Variants in ITPRIPL1 observed in about 807,000 individuals in gnomAD.
The protein encoded by ITPRIPL1 is ITPRIP like 1.
A neutral mutation model predicts 40.0 loss-of-function variants in ITPRIPL1; 28 were observed. The ratio of observed to expected loss-of-function variants is 0.70; its 90% confidence interval spans 0.52 to 0.96. The LOEUF (loss-of-function observed/expected upper bound fraction) is 0.96, where lower values mean the gene tolerates loss of function less well. Among genes scored for constraint, ITPRIPL1 ranks in the 40% least tolerant of loss-of-function variants. The pLI, the probability that ITPRIPL1 is intolerant of heterozygous loss-of-function variation, is 0.00. For missense variants in ITPRIPL1, 638 were observed against 698.0 expected, an observed-to-expected ratio of 0.91 and a Z score of 0.97; for synonymous variants, 251 against 275.7, an observed-to-expected ratio of 0.91 and a Z score of 0.89.
At chr2:96,330,033 C>CT (rs2064149508), downstream of ITPRIPL1, 1 of 152,150 alleles carries the variant, frequency 6.6e-6, no homozygotes, top group Admixed American at 6.6e-5. Context: ...GGGAAGATCA[C>CT]TTGAGCCCAG....
chr2:96,327,268 T>C lies in ITPRIPL1; in HGVS notation c.637T>C (p.Leu213=), dbSNP rs200828813. ...CAGCCGCCAAGAGGCTCACCCACAATTGGAAGACTGCCTGGGCATCGGGGC... is the reference window on the plus strand; with the variant it reads ...CAGCCGCCAAGAGGCTCACCCACAACTGGAAGACTGCCTGGGCATCGGGGC... The part of the protein sequence containing the change: ...VLSRQEAHPQ[L]EDCLGIGAAF... Residue 213 remains leucine, a synonymous_variant, in exon 3 of 3, where the codon TTG becomes CTG. Transcript: ENST00000439118. 22 of 1,614,118 alleles carry C rather than the reference T, an allele frequency of 1.4e-5. 1 individual carries two copies. The Admixed American group carries it at 1.8e-4, about 13-fold the overall frequency.
chr2:96,329,177 ATATATATATATATATATC>A (rs2064143811), downstream of ITPRIPL1: 1 of 138,558 alleles, frequency 7.2e-6, no homozygotes, highest in East Asian at 2.2e-4. Flanking sequence ...ATATATATAT[ATATATATATATATATATC>A]TCCAAGATGT....
chr2:96,327,710 G>T lies in ITPRIPL1; in HGVS notation c.1079G>T (p.Arg360Leu). The T allele has an allele frequency of 6.2e-7, 1 of 1,612,930 alleles. No individual in the cohort carries two copies. The highest frequency in any genetic ancestry group is 1.3e-5 in the African/African-American group (1 of 74,902). ...CTCCGGCTGGACTATCGCTCAGGCC[G>T]CTTTCTCTCAATCCACTTGGTCCTG... ...CKLRLDYRSGRFLSIHLVLGV... is the reference protein window; with the variant it reads ...CKLRLDYRSGLFLSIHLVLGV... Residue 360 changes from arginine to leucine, a missense_variant, in exon 3 of 3, where the codon CGC becomes CTC. Transcript: ENST00000439118.
In ITPRIPL1 at chr2:96,327,930, G is replaced by A. The variant is rs1440327833; in HGVS notation, c.1299G>A (p.Gln433=). 5 of 1,613,708 alleles carry A rather than the reference G, an allele frequency of 3.1e-6. No homozygotes were observed. Among genetic ancestry groups the A allele is most frequent in the African/African-American group, 1.3e-5 (1 of 74,780 alleles). ...LQIILSLRQH[Q]SLPHGASRPI... is the part of the protein sequence containing the mutation. ...TCATTTTAAGTCTCCGGCAGCATCAGAGCTTACCCCATGGAGCATCCCGCC... is the reference window on the plus strand; with the variant it reads ...TCATTTTAAGTCTCCGGCAGCATCAAAGCTTACCCCATGGAGCATCCCGCC... Residue 433 remains glutamine, a synonymous_variant, in exon 3 of 3, where the codon CAG becomes CAA. Coordinates refer to ENST00000439118, the MANE Select transcript of ITPRIPL1 (RefSeq NM_001008949.3).
rs141732129 is a variant in ITPRIPL1 at position 96,327,064 on chromosome 2, G to C, written c.433G>C (p.Glu145Gln). ...CTTTGATTCCAGCAGTGAGGAGGAG[G>C]AGGAGGAAGTCCGTGTTGTCCCTGT... is the stretch of plus-strand genomic sequence containing the variant. ...PAFDSSSEEE[E>Q]EEVRVVPVTS... Residue 145 changes from glutamate to glutamine, a missense_variant, in exon 3 of 3, where the codon GAG becomes CAG. Physicochemically the swap from Glu to Gln is conservative, Grantham distance 29. Coordinates refer to ENST00000439118, the MANE Select transcript of ITPRIPL1 (RefSeq NM_001008949.3). 2.9e-5 allele frequency: 47 copies of C among 1,614,086 alleles called. No individual in the cohort carries two copies. In the East Asian group the frequency reaches 4.7e-4, roughly 16 times the overall value.
rs1257473021 is a variant in ITPRIPL1 at position 96,325,806 on chromosome 2, A to C, written c.-34A>C. On this transcript the variant is annotated 5_prime_UTR_variant, in exon 2 of 3. Coordinates refer to ENST00000439118, the MANE Select transcript of ITPRIPL1 (RefSeq NM_001008949.3). Reference sequence around the variant, plus strand: ...CAAGTTCCAAAGGGAGGATAGGCCCAGCTGGCTTCAGCGTCCACACGGCAT... The same window carrying C: ...CAAGTTCCAAAGGGAGGATAGGCCCCGCTGGCTTCAGCGTCCACACGGCAT... The C allele has an allele frequency of 7.4e-6, 12 of 1,613,434 alleles. No homozygotes were observed. Among genetic ancestry groups the C allele is most frequent in the African/African-American group, 2.7e-5 (2 of 74,934 alleles).
At position 96,328,012 on chromosome 2, in the gene ITPRIPL1, C is replaced by T; in HGVS notation, c.1381C>T (p.Pro461Ser). ...TCTCATGCACCTCTTGCTACGGCTGCCCCTCACGGACTGGGCCCACAACAT... is the reference window on the plus strand; with the variant it reads ...TCTCATGCACCTCTTGCTACGGCTGTCCCTCACGGACTGGGCCCACAACAT... ...TALMHLLLRL[P>S]LTDWAHNMLS... The change falls in exon 3 of 3, where the codon CCC (proline) becomes TCC (serine). Residue 461 changes from proline to serine, a missense_variant. By Grantham distance (74) the Pro-to-Ser change is moderately conservative (BLOSUM62 -1). Coordinates refer to ENST00000439118, the MANE Select transcript of ITPRIPL1 (RefSeq NM_001008949.3). 6.2e-7 allele frequency: 1 copy of T among 1,614,196 alleles called. No individual in the cohort carries two copies. The highest frequency in any genetic ancestry group is 1.3e-5 in the African/African-American group (1 of 75,038).
At chr2:96,325,595 A>T (rs1024933226) in intron 1 of ITPRIPL1, 30 bp downstream of exon 1, 1 of 589,958 alleles carries the variant, frequency 1.7e-6, no homozygotes, top group Non-Finnish European at 3.0e-6. Flanking sequence ...GTCCCGGGAG[A>T]CATCCCGAGG....
chr2:96,328,376 A>C, downstream of ITPRIPL1: 1 of 1,437,340 alleles, frequency 7.0e-7, no homozygotes, highest in Non-Finnish European at 9.5e-7. Context: ...CTTTTCAGAT[A>C]TATCAGTGGT....
chr2:96,326,757 G>A lies in ITPRIPL1; in HGVS notation c.126G>A (p.Arg42=), dbSNP rs2064111027. The change falls in exon 3 of 3, where the codon CGG becomes CGA. Residue 42 remains arginine, a synonymous_variant. Coordinates refer to ENST00000439118, the MANE Select transcript of ITPRIPL1 (RefSeq NM_001008949.3). ...RMDLDTLARS[R]QLEKRMSEEM... is the part of the protein sequence containing the mutation. Reference sequence around the variant, plus strand: ...ACCTGGACACATTAGCCAGGAGTCGGCAGCTGGAGAAGCGAATGAGTGAGG... The same window carrying A: ...ACCTGGACACATTAGCCAGGAGTCGACAGCTGGAGAAGCGAATGAGTGAGG... 3 of 1,614,246 alleles carry A rather than the reference G, an allele frequency of 1.9e-6. No homozygotes were observed. The highest frequency in any genetic ancestry group is 2.7e-5 in the African/African-American group (2 of 75,064).
At chr2:96,325,958 C>T (rs2064102501) in intron 2 of ITPRIPL1, 109 bp downstream of exon 2, 3 of 1,295,498 alleles carry the variant, frequency 2.3e-6, no homozygotes, top group Non-Finnish European at 3.4e-6. Context: ...AGGCCTTGGG[C>T]ACCTGGTTCT....
chr2:96,330,307 T>C (rs1004999119), downstream of ITPRIPL1: 13 of 142,148 alleles, frequency 9.1e-5, no homozygotes, highest in South Asian at 4.9e-4. Context: ...CAGTCAATCA[T>C]TGGGGCTCCC....
downstream of ITPRIPL1, chr2:96,329,149 T>TTATATATA (rs57173953): frequency 6.6e-4 from 56 of 85,196 alleles, no homozygotes; most frequent in Non-Finnish European, 8.9e-4. Context: ...AAAAAAAAAA[T>TTATATATA]TATATATATA....
intron 2 of ITPRIPL1, chr2:96,326,394 T>C (rs1384052066): frequency 2.0e-6 from 3 of 1,532,240 alleles, no homozygotes; most frequent in Non-Finnish European, 2.6e-6. Flanking sequence ...GAAGCCTAAA[T>C]ACCACCCACA....
rs749880210 is a variant in ITPRIPL1, at chr2:96,327,054, T to TGAG, written c.438_440dup (p.Glu147dup). On this transcript the variant is annotated inframe_insertion, in exon 3 of 3. Coordinates refer to ENST00000439118, the MANE Select transcript of ITPRIPL1 (RefSeq NM_001008949.3). ...ATGAACCGGCCTTTGATTCCAGCAG[T>TGAG]GAGGAGGAGGAGGAGGAAGTCCGTG... 8.7e-6 allele frequency: 14 copies of TGAG among 1,613,152 alleles called. No homozygotes were observed. The highest frequency in any genetic ancestry group is 2.2e-5 in the East Asian group (1 of 44,872).
chr2:96,326,159 G>C, intron 2 of ITPRIPL1: 1 of 1,483,988 alleles, frequency 6.7e-7, no homozygotes, highest in Non-Finnish European at 9.0e-7. Context: ...AATGAAGACT[G>C]TGAAGTCACA....
rs2064127399 is a variant in ITPRIPL1, at chr2:96,327,717, C to T, written c.1086C>T (p.Leu362=). ...TGGACTATCGCTCAGGCCGCTTTCTCTCAATCCACTTGGTCCTGGGGGTGC... is the reference window on the plus strand; with the variant it reads ...TGGACTATCGCTCAGGCCGCTTTCTTTCAATCCACTTGGTCCTGGGGGTGC... ...LRLDYRSGRF[L]SIHLVLGVQR... Residue 362 remains leucine, a synonymous_variant, in exon 3 of 3, where the codon CTC becomes CTT. Transcript: ENST00000439118. The T allele has an allele frequency of 6.2e-7, 1 of 1,613,118 alleles. No individual in the cohort carries two copies. The highest frequency in any genetic ancestry group is 8.5e-7 in the Non-Finnish European group (1 of 1,179,670).
rs1358328380 is a variant in ITPRIPL1 at position 96,325,936 on chromosome 2, C to T, written c.10+87C>T. ...GGGAGGCAGTGGAACTGACCACTGC[C>T]GGCTGTCAGGTAGGCCTTGGGCACC... On this transcript the variant is annotated intron_variant, in intron 2 of 2. Transcript: ENST00000439118. 13 of 1,468,108 alleles carry T rather than the reference C, an allele frequency of 8.9e-6. No individual in the cohort carries two copies. The Admixed American group carries it at 1.5e-4, about 17-fold the overall frequency. 90.9% of individuals were successfully genotyped at this position (1,468,108 alleles called of 1,614,324 possible). A position where few individuals can be genotyped will look rare whatever the true frequency, so the allele number is the denominator to read the frequency against.
chr2:96,327,784 G>C lies in ITPRIPL1; in HGVS notation c.1153G>C (p.Asp385His). 1 of 1,614,120 alleles carries C rather than the reference G, an allele frequency of 6.2e-7. No homozygotes were observed. The highest frequency in any genetic ancestry group is 8.5e-7 in the Non-Finnish European group (1 of 1,180,016). ...TLVYLVSQAPDQEQLTSVDWP... is the reference protein window; with the variant it reads ...TLVYLVSQAPHQEQLTSVDWP... ...GGTCTACCTGGTGAGTCAGGCTCCTGACCAGGAGCAGCTCACCAGTGTGGA... is the reference window on the plus strand; with the variant it reads ...GGTCTACCTGGTGAGTCAGGCTCCTCACCAGGAGCAGCTCACCAGTGTGGA... Residue 385 changes from aspartate (D) to histidine (H), a missense_variant, in exon 3 of 3, where the codon GAC becomes CAC. Transcript: ENST00000439118.
Sources: allele counts gnomAD v4.1 joint callset, GRCh38; gene constraint gnomAD v4.1.1; transcripts MANE v1.5; gene names NCBI Gene and HGNC (gene_info 2026-07-23, HGNC 2026-07-21).